SMIM10L3: variants seen among roughly 807,000 people sequenced by gnomAD.
SMIM10L3 encodes the protein salivary gland specific protein SAGSIN1.
chr7:6,341,595 C>T, the SMIM10L3 span, among the ~76,000 whole-genome samples: 2 of 148,430 alleles, frequency 1.3e-5, no homozygotes, highest in Non-Finnish European at 3.0e-5. Context: ...GAGGCTGAGG[C>T]AGGGGAATGG....
chr7:6,339,035 A>T, the SMIM10L3 span, among the ~76,000 whole-genome samples: 1 of 152,188 alleles, frequency 6.6e-6, no homozygotes, highest in Non-Finnish European at 1.5e-5. Flanking sequence ...GGTAGCAGAA[A>T]CAAACCCCCG....
At chr7:6,339,408 G>C in the SMIM10L3 span, among the ~76,000 whole-genome samples, 1 of 152,106 alleles carries the variant, frequency 6.6e-6, no homozygotes, top group African/African-American at 2.4e-5. Context: ...TTTGAGACCA[G>C]TCTAGGCAAC....
chr7:6,342,182 C>G, the SMIM10L3 span, among the ~76,000 whole-genome samples: 1 of 152,070 alleles, frequency 6.6e-6, no homozygotes, highest in African/African-American at 2.4e-5. Context: ...CATTTTCTTT[C>G]CTTTCTTTTT....
the SMIM10L3 span, among the ~76,000 whole-genome samples, chr7:6,338,390 T>C: frequency 7.9e-5 from 12 of 152,238 alleles, no homozygotes; most frequent in African/African-American, 2.6e-4. Context: ...ACAGTGTAAA[T>C]GATGGTATTA....
the SMIM10L3 span, among the ~76,000 whole-genome samples, chr7:6,343,577 T>C: frequency 1.3e-5 from 2 of 151,772 alleles, no homozygotes; most frequent in Non-Finnish European, 2.9e-5. Context: ...TAGTATTTGG[T>C]ATTGATTCCA....
the SMIM10L3 span, among the ~76,000 whole-genome samples, chr7:6,333,285 C>T: frequency 1.3e-5 from 2 of 151,954 alleles, no homozygotes; most frequent in Non-Finnish European, 2.9e-5. Context: ...CGGGCCATGT[C>T]ACAGGGAGCC....
the SMIM10L3 span, among the ~76,000 whole-genome samples, chr7:6,335,252 C>T: frequency 2.0e-5 from 3 of 150,948 alleles, no homozygotes; most frequent in Non-Finnish European, 4.4e-5. Context: ...AATGGAGTCT[C>T]GCTCTTGTTG....
At chr7:6,331,660 G>A in the SMIM10L3 span, among the ~76,000 whole-genome samples, 4 of 151,752 alleles carry the variant, frequency 2.6e-5, no homozygotes, top group Admixed American at 6.6e-5. Flanking sequence ...GATTACAGGC[G>A]TGAGCCACCA....
chr7:6,346,733 T>G, the SMIM10L3 span, among the ~76,000 whole-genome samples: 17 of 152,136 alleles, frequency 1.1e-4, no homozygotes, highest in Admixed American at 6.6e-5. Context: ...TCATGTTAAT[T>G]ACCATCACCT....
At chr7:6,348,584 C>A in the SMIM10L3 span, 1 of 438,590 alleles carries the variant, frequency 2.3e-6, no homozygotes, top group East Asian at 3.5e-5. Context: ...TGCAGGCGGA[C>A]GTTGAGCATC....
chr7:6,338,011 C>A, the SMIM10L3 span, among the ~76,000 whole-genome samples: 5 of 151,890 alleles, frequency 3.3e-5, no homozygotes, highest in African/African-American at 1.2e-4. Context: ...ACCATGTTGG[C>A]CAGGCTGCTC....
the SMIM10L3 span, chr7:6,330,566 G>A: frequency 6.2e-7 from 1 of 1,614,174 alleles, no homozygotes; most frequent in Non-Finnish European, 8.5e-7. Flanking sequence ...GGATACACGT[G>A]CAGCGTTGCA....
the SMIM10L3 span, chr7:6,331,138 C>T: frequency 1.9e-6 from 3 of 1,612,336 alleles, no homozygotes; most frequent in Non-Finnish European, 2.5e-6. Context: ...GCCGAGGGGC[C>T]CTCTTCTGTC....
At chr7:6,331,326 G>T in the SMIM10L3 span, 1 of 667,382 alleles carries the variant, frequency 1.5e-6, no homozygotes, top group South Asian at 1.9e-5. Flanking sequence ...AACAAACACT[G>T]AGATCTTTAT....
chr7:6,332,004 T>A, the SMIM10L3 span, among the ~76,000 whole-genome samples: 1 of 150,638 alleles, frequency 6.6e-6, no homozygotes, highest in Non-Finnish European at 1.5e-5. Flanking sequence ...CCCAGCTAGT[T>A]GGGAGGCTGA....
the SMIM10L3 span, among the ~76,000 whole-genome samples, chr7:6,345,828 G>C: frequency 2.6e-5 from 4 of 151,936 alleles, no homozygotes; most frequent in African/African-American, 9.7e-5. Flanking sequence ...GAGTGCAGTA[G>C]GGTGATCTTG....
chr7:6,331,734 G>T, the SMIM10L3 span, among the ~76,000 whole-genome samples: 13 of 134,342 alleles, frequency 9.7e-5, no homozygotes, highest in Non-Finnish European at 1.4e-4. Flanking sequence ...GCAAATAATA[G>T]AGGCTTTTTT....
the SMIM10L3 span, among the ~76,000 whole-genome samples, chr7:6,337,212 CAGGT>C: frequency 1.3e-5 from 2 of 152,124 alleles, no homozygotes; most frequent in African/African-American, 4.8e-5. Context: ...GCTGAGACTA[CAGGT>C]GTATGCCACC....
the SMIM10L3 span, chr7:6,331,154 T>A: frequency 6.2e-7 from 1 of 1,608,974 alleles, no homozygotes; most frequent in Non-Finnish European, 8.5e-7. Context: ...CTGTCCCTCA[T>A]GCTTCGTGTT....
Sources: gnomAD v4.1 joint callset for allele counts (sites outside exome capture counted in the v4.1 genomes callset) on GRCh38, gnomAD v4.1.1 for gene constraint, MANE v1.5 for transcripts, NCBI Gene and HGNC (gene_info 2026-07-23, HGNC 2026-07-21) for gene names.